RIT2: variants seen among roughly 807,000 people sequenced by gnomAD.
The protein encoded by RIT2 is Ras like without CAAX 2.
RIT2 carries 24 observed loss-of-function variants against 23.7 expected under a neutral mutation model. The observed-to-expected ratio is 1.01, with a 90% CI of 0.73 to 1.43. RIT2 has a LOEUF of 1.43. Ranked by LOEUF, RIT2 falls within the 40% of genes most tolerant of loss-of-function variation. The pLI, the probability that RIT2 is intolerant of heterozygous loss-of-function variation, is 0.00. For missense variants in RIT2, 236 were observed against 266.9 expected, an observed-to-expected ratio of 0.88 and a Z score of 0.81; for synonymous variants, 107 against 91.1, an observed-to-expected ratio of 1.17 and a Z score of -0.99.
intron 4 of RIT2, among the ~76,000 whole-genome samples, chr18:42,899,667 T>G (rs935399691): frequency 6.6e-6 from 1 of 152,056 alleles, no homozygotes; most frequent in Non-Finnish European, 1.5e-5. Flanking sequence ...GGACATTCAT[T>G]TCCTTCTGAA....
At chr18:42,807,813 G>A (rs1228321805) in intron 4 of RIT2, among the ~76,000 whole-genome samples, 1 of 151,992 alleles carries the variant, frequency 6.6e-6, no homozygotes. Context: ...GTGTGTGTGT[G>A]TGTGTGTGTG....
chr18:42,794,353 A>C (rs914090294), intron 4 of RIT2, among the ~76,000 whole-genome samples: 2 of 152,238 alleles, frequency 1.3e-5, no homozygotes, highest in African/African-American at 2.4e-5. Flanking sequence ...TCATTTTTAA[A>C]GTAGGCAATA....
chr18:43,070,483 C>T (rs772927886), intron 1 of RIT2, among the ~76,000 whole-genome samples: 10 of 152,186 alleles, frequency 6.6e-5, no homozygotes, highest in South Asian at 4.2e-4. Context: ...TCCCTGAGTG[C>T]GAAGGACTGT....
intron 2 of RIT2, among the ~76,000 whole-genome samples, chr18:43,020,876 G>A (rs751284890): frequency 1.3e-5 from 2 of 152,038 alleles, no homozygotes; most frequent in Non-Finnish European, 2.9e-5. Flanking sequence ...ATGGATTCAC[G>A]ACCTGTTTGT....
intron 4 of RIT2, among the ~76,000 whole-genome samples, chr18:42,746,705 A>C (rs894092900): frequency 6.6e-6 from 1 of 152,096 alleles, no homozygotes; most frequent in African/African-American, 2.4e-5. Context: ...AAGAGACAGA[A>C]AGAGGAAATC....
intron 4 of RIT2, among the ~76,000 whole-genome samples, chr18:42,840,718 C>G (rs111817416): frequency 0.051 from 7,838 of 152,264 alleles, 269 homozygotes; most frequent in Middle Eastern, 0.085. Flanking sequence ...TCAGGCTGGT[C>G]TCGAACTTTC....
intron 4 of RIT2, among the ~76,000 whole-genome samples, chr18:42,830,831 T>C (rs530628771): frequency 2.6e-5 from 4 of 152,286 alleles, no homozygotes; most frequent in African/African-American, 9.6e-5. Context: ...ATCTGTTCCT[T>C]TCCAAGACCA....
intron 4 of RIT2, among the ~76,000 whole-genome samples, chr18:42,902,066 A>G (rs1908489688): frequency 1.3e-5 from 2 of 151,982 alleles, no homozygotes; most frequent in Admixed American, 6.6e-5. Flanking sequence ...GATAAAATAT[A>G]GATATTTCCC....
At chr18:42,751,279 TAA>T (rs747284174) in intron 4 of RIT2, among the ~76,000 whole-genome samples, 16 of 151,906 alleles carry the variant, frequency 1.1e-4, no homozygotes, top group Non-Finnish European at 2.1e-4. Flanking sequence ...GGATTGAAGT[TAA>T]GTCTTTAGCT....
rs377517598 is a variant in RIT2 at position 43,090,096 on chromosome 18, A to T, written c.103+25321T>A. Among the ~76,000 whole-genome samples the T allele has an allele frequency of 8.7e-4, 133 of 152,322 alleles. 1 individual carries two copies. The highest frequency in any genetic ancestry group is 3.1e-3 in the African/African-American group (130 of 41,596). On this transcript the variant is annotated intron_variant, in intron 1 of 4. Transcript: ENST00000326695. ...GCAAATGAAACTATCAACAGAGTGA[A>T]CAGACAACCTACAAAATGGAGGAAA...
At position 43,108,347 on chromosome 18, in the gene RIT2, CGTGT is replaced by C. The variant is rs138256652; in HGVS notation, c.103+7066_103+7069del. 1.6e-4 allele frequency among the ~76,000 whole-genome samples: 24 copies of C among 149,276 alleles called. No homozygotes were observed. In the East Asian group the frequency reaches 2.8e-3, roughly 17 times the overall value. ...TATCTATGTGCCTTGGGCCATATTACGTGTGTGTGTGTGTGTGTGTGTGTACCTC... is the reference window on the plus strand; with the variant it reads ...TATCTATGTGCCTTGGGCCATATTACGTGTGTGTGTGTGTGTGTGTACCTC... On this transcript the variant is annotated intron_variant, in intron 1 of 4. Transcript: ENST00000326695.
At chr18:42,994,948 C>T (rs1490128183) in intron 2 of RIT2, among the ~76,000 whole-genome samples, 1 of 152,156 alleles carries the variant, frequency 6.6e-6, no homozygotes, top group Non-Finnish European at 1.5e-5. Flanking sequence ...TCAATCCGGC[C>T]TCCCACATTA....
At chr18:43,013,667 T>C (rs907697829) in intron 2 of RIT2, among the ~76,000 whole-genome samples, 4 of 151,800 alleles carry the variant, frequency 2.6e-5, no homozygotes, top group Non-Finnish European at 4.4e-5. Context: ...GCTTTCCTTC[T>C]GAGAACATTG....
At chr18:43,049,156 G>A (rs562562229) in intron 1 of RIT2, among the ~76,000 whole-genome samples, 10 of 152,232 alleles carry the variant, frequency 6.6e-5, no homozygotes, top group Admixed American at 5.2e-4. Context: ...CAGCACTGAC[G>A]GACATGATGA....
chr18:42,813,219 G>A lies in RIT2; in HGVS notation c.427-69499C>T, dbSNP rs563141055. Among the ~76,000 whole-genome samples, 48 of 152,246 alleles carry A rather than the reference G, an allele frequency of 3.2e-4. No homozygotes were observed. In the South Asian group the frequency reaches 5.6e-3, roughly 18 times the overall value. ...ATACTCAGTATTTTCTTTTGAAGGT[G>A]CCTATTTAATAGGTTCTCTTATTAA... On this transcript the variant is annotated intron_variant, in intron 4 of 4. Coordinates refer to ENST00000326695, the MANE Select transcript of RIT2 (RefSeq NM_002930.4).
intron 4 of RIT2, among the ~76,000 whole-genome samples, chr18:42,920,158 T>C (rs1284568435): frequency 6.6e-6 from 1 of 152,190 alleles, no homozygotes; most frequent in African/African-American, 2.4e-5. Context: ...TGATTCTTCC[T>C]GCTCCTCCTT....
chr18:42,774,482 TA>T (rs199664877), intron 4 of RIT2, among the ~76,000 whole-genome samples: 1 of 150,674 alleles, frequency 6.6e-6, no homozygotes. Flanking sequence ...TGTCCTCAGA[TA>T]AAAAAAAAGA....
intron 4 of RIT2, among the ~76,000 whole-genome samples, chr18:42,827,958 C>T (rs117749526): frequency 0.11 from 15,721 of 141,200 alleles, 974 homozygotes; most frequent in Middle Eastern, 0.24. Flanking sequence ...TGAATGAGAT[C>T]GCGCCACTGC....
At chr18:42,964,423 T>C (rs1910164728) in intron 3 of RIT2, among the ~76,000 whole-genome samples, 1 of 151,970 alleles carries the variant, frequency 6.6e-6, no homozygotes, top group Non-Finnish European at 1.5e-5. Flanking sequence ...ATTTTTACCC[T>C]AAAGTGTTTC....
Sources: allele counts gnomAD v4.1 joint callset (sites outside exome capture counted in the v4.1 genomes callset), GRCh38; gene constraint gnomAD v4.1.1; transcripts MANE v1.5; gene names NCBI Gene and HGNC (gene_info 2026-07-23, HGNC 2026-07-21).